TTC6: variants seen among roughly 807,000 people sequenced by gnomAD.
TTC6 encodes tetratricopeptide repeat protein 6.
In TTC6, 172 loss-of-function variants were observed where a neutral mutation model predicts 210.4. That is an observed-to-expected ratio of 0.82 (90% CI 0.72 to 0.93). The LOEUF (loss-of-function observed/expected upper bound fraction) is 0.93. Among genes scored for constraint, TTC6 ranks in the 40% least tolerant of loss-of-function variants. The probability of loss-of-function intolerance (pLI) is 0.00; values close to 1 mark genes in which losing one functional copy is unlikely to be tolerated. For synonymous variants in TTC6, 804 were observed against 819.6 expected, an observed-to-expected ratio of 0.98 and a Z score of 0.32; for missense variants, 2,414 against 2,318.1, an observed-to-expected ratio of 1.04 and a Z score of -0.85.
intron 1 of TTC6, among the ~76,000 whole-genome samples, chr14:37,640,066 C>A (rs2095688923): frequency 6.6e-6 from 1 of 151,766 alleles, no homozygotes; most frequent in African/African-American, 2.4e-5. Context: ...TCGAATCAAG[C>A]TAGAAGTTGT....
At chr14:37,817,515 A>C in intron 25 of TTC6, 63 bp from the exon 28 acceptor site, 6 of 1,425,510 alleles carry the variant, frequency 4.2e-6, no homozygotes, top group Non-Finnish European at 5.9e-6. Flanking sequence ...AGTTAGAAGG[A>C]AGTTTAAGAT....
At chr14:37,787,532 G>C (rs772874757) in exon 15 of TTC6, 2 of 1,531,992 alleles carry the variant, frequency 1.3e-6, no homozygotes, top group Admixed American at 3.9e-5. Flanking sequence ...AGATTTTTCT[G>C]CTGCAATTCA....
In TTC6 at chr14:37,786,403, G is replaced by A. The variant is rs563186744; in HGVS notation, c.3267-1065G>A. 3.3e-5 allele frequency among the ~76,000 whole-genome samples: 5 copies of A among 152,222 alleles called. 1 individual carries two copies. Among genetic ancestry groups the A allele is most frequent in the South Asian group, 2.1e-4 (1 of 4,832 alleles). Reference sequence around the variant, plus strand: ...CTGTGCTAGCAGTGAGCAAGGCTCCGTGGGCGTGGGACCCTCCAAGCCAGG... The same window carrying A: ...CTGTGCTAGCAGTGAGCAAGGCTCCATGGGCGTGGGACCCTCCAAGCCAGG... On this transcript the variant is annotated intron_variant, in intron 14 of 30. Transcript: ENST00000553443.
At chr14:37,672,821 A>ATTTTTTTTTTTT (rs377117749) in intron 1 of TTC6, among the ~76,000 whole-genome samples, 56 of 128,974 alleles carry the variant, frequency 4.3e-4, no homozygotes, top group African/African-American at 1.7e-3. Context: ...TGAATTCCTC[A>ATTTTTTTTTTTT]TTTTTTTTTT....
chr14:37,763,554 C>G (rs986529125), intron 14 of TTC6, among the ~76,000 whole-genome samples: 3 of 151,944 alleles, frequency 2.0e-5, no homozygotes, highest in Non-Finnish European at 4.4e-5. Context: ...CTAGGAATTT[C>G]GTCATTTCTT....
At chr14:37,708,727 A>T (rs970965639) in intron 5 of TTC6, among the ~76,000 whole-genome samples, 1 of 152,070 alleles carries the variant, frequency 6.6e-6, no homozygotes. Flanking sequence ...TATTTGACCA[A>T]TTGTGAACCA....
At position 37,806,495 on chromosome 14, in the gene TTC6, TC is replaced by T. The variant is rs1183328507; in HGVS notation, c.4301del (p.Pro1434GlnfsTer8). On this transcript the variant is annotated frameshift_variant, in exon 22 of 31. Coordinates refer to ENST00000553443, the Ensembl canonical transcript of TTC6. LOFTEE classifies it high-confidence loss of function. ...ATTTTAATCGTGCAATTACCCTCAA[TC>T]CAAAACATTACCAGGTATTTAAACA... The T allele has an allele frequency of 9.8e-6, 15 of 1,531,590 alleles. No homozygotes were observed. Among genetic ancestry groups the T allele is most frequent in the Non-Finnish European group, 1.3e-5 (15 of 1,144,174 alleles). The allele number at this position is 1,531,590 out of a possible 1,614,324, so 94.9% of individuals were successfully genotyped here.
chr14:37,791,779 A>T (rs904665644), intron 16 of TTC6, among the ~76,000 whole-genome samples: 2 of 152,180 alleles, frequency 1.3e-5, no homozygotes, highest in African/African-American at 4.8e-5. Flanking sequence ...ACTGAAAATC[A>T]GTTGATTTTA....
chr14:37,732,955 G>A (rs1566918144), intron 7 of TTC6, among the ~76,000 whole-genome samples: 1 of 152,086 alleles, frequency 6.6e-6, no homozygotes, highest in African/African-American at 2.4e-5. Flanking sequence ...GAAGAAGAGG[G>A]GTTGATTTTG....
At position 37,834,219 on chromosome 14, in the gene TTC6, A is replaced by G. The variant is rs373775388; in HGVS notation, c.5298+6853A>G. On this transcript the variant is annotated intron_variant, in intron 29 of 30. Transcript: ENST00000553443. Reference sequence around the variant, plus strand: ...GGACATTTGAGCTTCCTGTATCTATATGTATATCTCTTCCAATATTTGGGA... The same window carrying G: ...GGACATTTGAGCTTCCTGTATCTATGTGTATATCTCTTCCAATATTTGGGA... Among the ~76,000 whole-genome samples the G allele has an allele frequency of 2.2e-4, 33 of 152,230 alleles. No homozygotes were observed. The South Asian group carries it at 6.6e-3, about 31-fold the overall frequency.
chr14:37,634,784 TC>T (rs2095676850), intron 1 of TTC6, among the ~76,000 whole-genome samples: 1 of 152,188 alleles, frequency 6.6e-6, no homozygotes, highest in African/African-American at 2.4e-5. Context: ...AGTAGATTTC[TC>T]ATTGAAAACT....
exon 27 of TTC6, chr14:37,823,783 T>G (rs1566975513): frequency 6.2e-7 from 1 of 1,614,032 alleles, no homozygotes; most frequent in East Asian, 2.2e-5. Context: ...ATTTCTTTAC[T>G]TGGGCTCTTA....
rs147165135 is a variant in TTC6, at chr14:37,636,174, A to C, written c.939+13171A>C. On this transcript the variant is annotated intron_variant, in intron 1 of 30. Transcript: ENST00000553443. The stretch of plus-strand genomic sequence containing the variant: ...ATAGACGAATTGAAAATTATAGTTA[A>C]AAACGCGTAACACCCTTCTTTCAGC... Among the ~76,000 whole-genome samples, 1,043 of 152,216 alleles carry C rather than the reference A, an allele frequency of 6.9e-3. 12 individuals carry two copies. The highest frequency in any genetic ancestry group is 0.01 in the Middle Eastern group (3 of 294).
chr14:37,635,467 G>A (rs920477359), intron 1 of TTC6, among the ~76,000 whole-genome samples: 1 of 152,222 alleles, frequency 6.6e-6, no homozygotes, highest in South Asian at 2.1e-4. Flanking sequence ...ATCAGTAACT[G>A]TAAGTGGTCT....
At chr14:37,711,034 GGTCTGT>G (rs143410511) in intron 5 of TTC6, among the ~76,000 whole-genome samples, 302 of 152,164 alleles carry the variant, frequency 2.0e-3, no homozygotes, top group African/African-American at 6.9e-3. Flanking sequence ...TGACTCATTA[GGTCTGT>G]GTTGGGGCTC....
At chr14:37,795,300 T>C (rs1381050024) in exon 18 of TTC6, 1 of 1,532,306 alleles carries the variant, frequency 6.5e-7, no homozygotes, top group Non-Finnish European at 8.7e-7. Flanking sequence ...AGTAAATGAA[T>C]TGTCTCGTGC....
At chr14:37,653,679 C>G (rs1342461528) in intron 1 of TTC6, among the ~76,000 whole-genome samples, 1 of 152,082 alleles carries the variant, frequency 6.6e-6, no homozygotes, top group Non-Finnish European at 1.5e-5. Flanking sequence ...CCTCCAATTC[C>G]TAAATCTTTC....
intron 10 of TTC6, among the ~76,000 whole-genome samples, chr14:37,743,466 G>A (rs534565238): frequency 6.6e-6 from 1 of 152,192 alleles, no homozygotes; most frequent in South Asian, 2.1e-4. Flanking sequence ...CATGCTCATT[G>A]TAAAAACTTA....
chr14:37,820,952 TC>T (rs2096154748), intron 26 of TTC6, among the ~76,000 whole-genome samples: 1 of 141,578 alleles, frequency 7.1e-6, no homozygotes, highest in Non-Finnish European at 1.5e-5. Context: ...CTTCTCCTCC[TC>T]CTTCTCCTCC....
Sources: allele counts gnomAD v4.1 joint callset (sites outside exome capture counted in the v4.1 genomes callset), GRCh38; gene constraint gnomAD v4.1.1; transcripts MANE v1.5; gene names NCBI Gene and HGNC (gene_info 2026-07-23, HGNC 2026-07-21).